DOCK10: variants seen among roughly 807,000 people sequenced by gnomAD.
The protein encoded by DOCK10 is dedicator of cytokinesis protein 10.
DOCK10 carries 145 observed loss-of-function variants against 280.1 expected under a neutral mutation model. That is an observed-to-expected ratio of 0.52 (90% CI 0.45 to 0.59). The LOEUF (loss-of-function observed/expected upper bound fraction) is 0.59. Among genes scored for constraint, DOCK10 ranks in the 20% least tolerant of loss-of-function variants. The probability of loss-of-function intolerance (pLI) is 0.00; values close to 1 mark genes in which losing one functional copy is unlikely to be tolerated. For synonymous variants in DOCK10, 915 were observed against 942.2 expected, an observed-to-expected ratio of 0.97 and a Z score of 0.53; for missense variants, 2,368 against 2,651.7, an observed-to-expected ratio of 0.89 and a Z score of 2.35.
chr2:225,038,167 G>A (rs1029645743), intron 1 of DOCK10, among the ~76,000 whole-genome samples: 9 of 152,030 alleles, frequency 5.9e-5, no homozygotes, highest in South Asian at 4.1e-4. Context: ...ATTGCATATT[G>A]CTTTTAAATC....
chr2:224,966,560 T>C (rs531494485), intron 1 of DOCK10, among the ~76,000 whole-genome samples: 16 of 152,258 alleles, frequency 1.1e-4, no homozygotes, highest in African/African-American at 3.6e-4. Context: ...AAATCTCAAG[T>C]CTTTATTTCC....
chr2:224,857,079 A>G, intron 14 of DOCK10, 97 bp from the exon 15 acceptor site: 1 of 1,028,574 alleles, frequency 9.7e-7, no homozygotes, highest in Non-Finnish European at 1.3e-6. Flanking sequence ...ATTTATAATC[A>G]GAGAAACTCT....
chr2:224,972,690 T>C (rs1705159536), intron 1 of DOCK10, among the ~76,000 whole-genome samples: 1 of 152,332 alleles, frequency 6.6e-6, no homozygotes, highest in African/African-American at 2.4e-5. Flanking sequence ...TTTATGATTG[T>C]GGTGGTTTTA....
intron 11 of DOCK10, among the ~76,000 whole-genome samples, chr2:224,868,232 A>C (rs1698053141): frequency 6.6e-6 from 1 of 152,236 alleles, no homozygotes; most frequent in South Asian, 2.1e-4. Context: ...GTATCACAGA[A>C]GCAAAGAAAG....
intron 1 of DOCK10, among the ~76,000 whole-genome samples, chr2:225,026,604 T>C (rs1302363619): frequency 2.0e-5 from 3 of 152,170 alleles, no homozygotes; most frequent in Admixed American, 2.0e-4. Flanking sequence ...CACTGAGGTA[T>C]ACAACTCAGG....
At chr2:224,858,419 A>G (rs13386730) in intron 14 of DOCK10, among the ~76,000 whole-genome samples, 27,694 of 151,844 alleles carry the variant, frequency 0.18, 4,338 homozygotes, top group African/African-American at 0.43. Context: ...GGCACTTTGG[A>G]AGGCTGAGGT....
intron 48 of DOCK10, among the ~76,000 whole-genome samples, chr2:224,788,353 G>T (rs1354354969): frequency 3.3e-5 from 5 of 152,014 alleles, no homozygotes; most frequent in Non-Finnish European, 7.4e-5. Flanking sequence ...TTATTGGAAT[G>T]TTTTCAACAA....
intron 9 of DOCK10, 150 bp downstream of exon 9, chr2:224,874,516 T>C: frequency 1.1e-6 from 1 of 903,446 alleles, no homozygotes. Flanking sequence ...GCCCTATGTG[T>C]ATGTTAATGA....
chr2:225,008,315 T>C (rs1472145050), intron 1 of DOCK10, among the ~76,000 whole-genome samples: 2 of 152,166 alleles, frequency 1.3e-5, no homozygotes, highest in Non-Finnish European at 2.9e-5. Flanking sequence ...TCACAAACAT[T>C]TCTTGAGTGA....
chr2:225,014,228 T>C (rs1689531270), intron 1 of DOCK10, among the ~76,000 whole-genome samples: 2 of 151,848 alleles, frequency 1.3e-5, no homozygotes, highest in Admixed American at 6.6e-5. Context: ...GATGATATCA[T>C]CTGTTTTCTA....
intron 7 of DOCK10, among the ~76,000 whole-genome samples, chr2:224,884,010 C>T (rs763050949): frequency 7.9e-5 from 12 of 152,224 alleles, no homozygotes; most frequent in African/African-American, 1.9e-4. Flanking sequence ...TTACTGCTAA[C>T]GTTTTACTTC....
chr2:224,884,032 G>T (rs1313684154), intron 7 of DOCK10, among the ~76,000 whole-genome samples: 1 of 152,022 alleles, frequency 6.6e-6, no homozygotes, highest in African/African-American at 2.4e-5. Flanking sequence ...TGTTTCTAAG[G>T]CCAAAAGGTG....
At chr2:224,837,176 T>C (rs1430632034) in intron 25 of DOCK10, among the ~76,000 whole-genome samples, 1 of 152,194 alleles carries the variant, frequency 6.6e-6, no homozygotes, top group Non-Finnish European at 1.5e-5. Flanking sequence ...TTCACTGGCA[T>C]TAATCCACAG....
intron 1 of DOCK10, chr2:224,982,496 G>A (rs1705801840): frequency 8.2e-7 from 1 of 1,226,664 alleles, no homozygotes; most frequent in Non-Finnish European, 1.0e-6. Flanking sequence ...ACTTCCTTGA[G>A]CTCTGATCAT....
chr2:224,801,296 A>C (rs981383881), intron 40 of DOCK10, among the ~76,000 whole-genome samples: 4 of 148,860 alleles, frequency 2.7e-5, no homozygotes, highest in East Asian at 3.9e-4. Flanking sequence ...AAAAAAAAAA[A>C]AAAAAAACAT....
rs1444231075 is a variant in DOCK10, at chr2:224,800,210, C to T, written c.4447G>A (p.Ala1483Thr). Reference protein sequence around the residue: ...VHHVDTEANIATEVCLTILDL... With the variant: ...VHHVDTEANITTEVCLTILDL... The stretch of plus-strand genomic sequence containing the variant: ...AGAATAGTGAGGCAAACCTCCGTAG[C>T]TATATTGGCCTCAGTGTCTACATGA... The change falls in exon 41 of 56, where the codon GCT becomes ACT. Residue 1483 changes from alanine to threonine, a missense_variant. Ala to Thr is a moderately conservative substitution (Grantham distance 58). Coordinates refer to ENST00000258390, the MANE Select transcript of DOCK10 (RefSeq NM_014689.3). 6.2e-7 allele frequency: 1 copy of T among 1,612,070 alleles called. No individual in the cohort carries two copies. The highest frequency in any genetic ancestry group is 8.5e-7 in the Non-Finnish European group (1 of 1,178,930).
At position 224,898,079 on chromosome 2, in the gene DOCK10, T is replaced by C. The variant is rs1256317633; in HGVS notation, c.334-1702A>G. On this transcript the variant is annotated intron_variant, in intron 3 of 55. Coordinates refer to ENST00000258390, the MANE Select transcript of DOCK10 (RefSeq NM_014689.3). Reference sequence around the variant, plus strand: ...GTAAGCAAGAAGGGAATAGGTAAGGTGCAGGACTGCTGCAGCAAAGAAAGC... The same window carrying C: ...GTAAGCAAGAAGGGAATAGGTAAGGCGCAGGACTGCTGCAGCAAAGAAAGC... Among the ~76,000 whole-genome samples the C allele has an allele frequency of 9.2e-5, 14 of 152,310 alleles. No homozygotes were observed. The South Asian group carries it at 2.3e-3, about 25-fold the overall frequency.
chr2:225,016,920 G>A (rs1006319496), intron 1 of DOCK10, among the ~76,000 whole-genome samples: 7 of 151,242 alleles, frequency 4.6e-5, no homozygotes, highest in Non-Finnish European at 8.8e-5. Flanking sequence ...ACGGGGTTTC[G>A]CCATGTTGGC....
chr2:224,895,254 C>T (rs773107870), intron 4 of DOCK10, among the ~76,000 whole-genome samples: 1 of 152,204 alleles, frequency 6.6e-6, no homozygotes, highest in Non-Finnish European at 1.5e-5. Context: ...AAAGGTGCTT[C>T]TGGGGCCACA....
Sources: gnomAD v4.1 joint callset for allele counts (sites outside exome capture counted in the v4.1 genomes callset) on GRCh38, gnomAD v4.1.1 for gene constraint, MANE v1.5 for transcripts, NCBI Gene and HGNC (gene_info 2026-07-23, HGNC 2026-07-21) for gene names.